The following ZNF273 variants were observed in gnomAD, a reference collection of about 807,000 sequenced individuals.
ZNF273 encodes the protein zinc finger protein 273.
Under a neutral mutation model 14.9 loss-of-function variants are expected in ZNF273, and 11 were observed. That is an observed-to-expected ratio of 0.74 (90% CI 0.46 to 1.22). ZNF273 has a LOEUF of 1.22. Ranked by LOEUF, ZNF273 falls within the 50% of genes most tolerant of loss-of-function variation. ZNF273 has a pLI of 0.00. For synonymous variants in ZNF273, 199 were observed against 223.9 expected (o/e 0.89, Z 0.99); for missense variants, 577 against 660.6 (o/e 0.87, Z 1.39).
At chr7:64,901,748 C>T (rs1480511341), upstream of ZNF273, among the ~76,000 whole-genome samples, 1 of 146,882 alleles carries the variant, frequency 6.8e-6, no homozygotes, top group African/African-American at 2.5e-5. Context: ...GTTGGGAGTT[C>T]GAGACCAGCC....
At chr7:64,921,638 G>GTT (rs1794471217) in intron 3 of ZNF273, among the ~76,000 whole-genome samples, 1 of 13,734 alleles carries the variant, frequency 7.3e-5, no homozygotes, top group Non-Finnish European at 1.5e-4. Context: ...TTTTTTTTTT[G>GTT]TGTGTGAGAC....
chr7:64,916,215 G>A (rs1438394248), intron 1 of ZNF273, among the ~76,000 whole-genome samples: 1 of 151,674 alleles, frequency 6.6e-6, no homozygotes, highest in African/African-American at 2.4e-5. Context: ...GCTCTCTACG[G>A]TGTTGAAGAC....
In ZNF273 at chr7:64,928,658, A is replaced by G. The variant is rs147391977; in HGVS notation, c.1330A>G (p.Thr444Ala). The G allele has an allele frequency of 6.8e-6, 11 of 1,612,672 alleles. No homozygotes were observed. The African/African-American group carries it at 1.5e-4, about 22-fold the overall frequency. The change falls in exon 4 of 4, where the codon ACC (threonine) becomes GCC (alanine). Residue 444 changes from threonine (T) to alanine (A), a missense_variant. By Grantham distance (58) the Thr-to-Ala change is moderately conservative. Transcript: ENST00000476120. ...ECGKAFSVFS[T>A]LTKHKIIHTG... ...TGGAAAAGCCTTTAGTGTATTCTCA[A>G]CCCTTACTAAACATAAGATAATTCA...
intron 1 of ZNF273, chr7:64,917,256 A>C (rs1466609873): frequency 3.8e-6 from 2 of 524,412 alleles, no homozygotes; most frequent in African/African-American, 2.0e-5. Flanking sequence ...TTTCTTTTCT[A>C]TCTGAAAAAT....
chr7:64,921,865 G>A (rs1794486394), intron 3 of ZNF273, among the ~76,000 whole-genome samples: 1 of 151,792 alleles, frequency 6.6e-6, no homozygotes, highest in Non-Finnish European at 1.5e-5. Context: ...CTGACCTCAG[G>A]TGACCCACCC....
chr7:64,883,224 C>CCCCA (rs943411293), downstream of ZNF273, among the ~76,000 whole-genome samples: 1 of 134,746 alleles, frequency 7.4e-6, no homozygotes, highest in East Asian at 2.4e-4. Flanking sequence ...ACCCCCCCCT[C>CCCCA]ACCAAGCAGC....
At chr7:64,918,481 T>A (rs938902362) in intron 3 of ZNF273, among the ~76,000 whole-genome samples, 189 bp downstream of exon 3, 1 of 151,912 alleles carries the variant, frequency 6.6e-6, no homozygotes, top group Non-Finnish European at 1.5e-5. Context: ...ACCAACATGG[T>A]GAAACCCTGT....
downstream of ZNF273, among the ~76,000 whole-genome samples, chr7:64,883,882 T>C (rs1215882286): frequency 6.6e-6 from 1 of 152,206 alleles, no homozygotes; most frequent in Non-Finnish European, 1.5e-5. Flanking sequence ...TGGGGACCAT[T>C]GTATGAGTGT....
At position 64,928,532 on chromosome 7, in the gene ZNF273, T is replaced by G. The variant is rs759496811; in HGVS notation, c.1204T>G (p.Tyr402Asp). Residue 402 changes from tyrosine (Y) to aspartate (D), a missense_variant, in exon 4 of 4, where the codon TAC becomes GAC. Coordinates refer to ENST00000476120, the MANE Select transcript of ZNF273 (RefSeq NM_021148.3). Reference sequence around the variant, plus strand: ...GATAGTTCATACTGGAGAGAAACCCTACAAATGTGAAGAATGTGGTAAAGC... The same window carrying G: ...GATAGTTCATACTGGAGAGAAACCCGACAAATGTGAAGAATGTGGTAAAGC... ...HKIVHTGEKP[Y>D]KCEECGKAFK... 4 of 1,613,954 alleles carry G rather than the reference T, an allele frequency of 2.5e-6. No homozygotes were observed. The South Asian group carries it at 4.4e-5, about 18-fold the overall frequency.
At chr7:64,903,087 A>T (rs1792832069), upstream of ZNF273, among the ~76,000 whole-genome samples, 1 of 152,196 alleles carries the variant, frequency 6.6e-6, no homozygotes, top group Non-Finnish European at 1.5e-5. Context: ...CCTGACTGAA[A>T]AGCCTGCAGT....
chr7:64,918,485 A>AC (rs1243299139), intron 3 of ZNF273, among the ~76,000 whole-genome samples, 193 bp downstream of exon 3: 1 of 151,974 alleles, frequency 6.6e-6, no homozygotes. Flanking sequence ...ACATGGTGAA[A>AC]CCCTGTCTCT....
chr7:64,887,276 A>G (rs1337213686), intron 1 of ZNF273, among the ~76,000 whole-genome samples: 1 of 152,146 alleles, frequency 6.6e-6, no homozygotes. Context: ...TGCCTTACCA[A>G]CTTAACTCCT....
At chr7:64,879,902 C>G (rs1041080766), downstream of ZNF273, 1 of 152,194 alleles carries the variant, frequency 6.6e-6, no homozygotes, top group African/African-American at 2.4e-5. Flanking sequence ...GTTGGGGGCC[C>G]GCAGTACTTG....
downstream of ZNF273, among the ~76,000 whole-genome samples, chr7:64,934,861 G>T (rs929366762): frequency 6.6e-6 from 1 of 151,804 alleles, no homozygotes; most frequent in African/African-American, 2.4e-5. Flanking sequence ...TTTTGATAAA[G>T]GTTGTGTTAT....
chr7:64,914,889 A>G (rs1259168204), intron 1 of ZNF273, among the ~76,000 whole-genome samples: 1 of 150,402 alleles, frequency 6.6e-6, no homozygotes, highest in Non-Finnish European at 1.5e-5. Context: ...CTGAGAAGGA[A>G]TCCCAGAGAA....
chr7:64,886,605 C>A (rs1189888506), intron 1 of ZNF273, among the ~76,000 whole-genome samples: 1 of 152,208 alleles, frequency 6.6e-6, no homozygotes, highest in Non-Finnish European at 1.5e-5. Context: ...CAACCACTGT[C>A]ATCTCACTTA....
At chr7:64,900,358 T>C (rs113465769), upstream of ZNF273, among the ~76,000 whole-genome samples, 1 of 152,166 alleles carries the variant, frequency 6.6e-6, no homozygotes, top group Non-Finnish European at 1.5e-5. Context: ...ACTCCTGGGC[T>C]CAAGTGATCC....
intron 1 of ZNF273, among the ~76,000 whole-genome samples, chr7:64,914,450 C>T (rs1441719097): frequency 6.6e-6 from 1 of 151,704 alleles, no homozygotes; most frequent in Non-Finnish European, 1.5e-5. Flanking sequence ...TCACACCAAC[C>T]TAATAAGTGC....
intron 3 of ZNF273, among the ~76,000 whole-genome samples, 176 bp downstream of exon 3, chr7:64,918,468 C>G (rs1794172631): frequency 6.6e-6 from 1 of 152,028 alleles, no homozygotes; most frequent in African/African-American, 2.4e-5. Flanking sequence ...CCAGAGCATC[C>G]TGACCAACAT....
Sources: gnomAD v4.1 joint callset for allele counts (sites outside exome capture counted in the v4.1 genomes callset) on GRCh38, gnomAD v4.1.1 for gene constraint, MANE v1.5 for transcripts, NCBI Gene and HGNC (gene_info 2026-07-23, HGNC 2026-07-21) for gene names.